SLC24A2: variants seen among roughly 807,000 people sequenced by gnomAD.
SLC24A2 encodes the protein sodium/potassium/calcium exchanger 2.
A neutral mutation model predicts 62.0 loss-of-function variants in SLC24A2; 36 were observed. The observed-to-expected ratio is 0.58, with a 90% CI of 0.44 to 0.77. The LOEUF (loss-of-function observed/expected upper bound fraction) is 0.77. SLC24A2 is among the 30% of genes least tolerant of loss of function. The probability of loss-of-function intolerance (pLI) is 0.00; values close to 1 mark genes in which losing one functional copy is unlikely to be tolerated. For missense variants in SLC24A2, 846 were observed against 817.9 expected, an observed-to-expected ratio of 1.03 and a Z score of -0.42; for synonymous variants, 358 against 294.0, an observed-to-expected ratio of 1.22 and a Z score of -2.23.
In SLC24A2 at chr9:19,681,068, T is replaced by C. The variant is rs190650327; in HGVS notation, c.931-58769A>G. On this transcript the variant is annotated intron_variant, in intron 2 of 10. Transcript: ENST00000341998. Reference sequence around the variant, plus strand: ...TTGTCAGAATATATTTCTCCTCCACTGAAAGCCTTCCAAATGGCCCCCTAT... The same window carrying C: ...TTGTCAGAATATATTTCTCCTCCACCGAAAGCCTTCCAAATGGCCCCCTAT... 2.7e-3 allele frequency among the ~76,000 whole-genome samples: 406 copies of C among 152,206 alleles called. 1 individual carries two copies. The highest frequency in any genetic ancestry group is 4.3e-3 in the Admixed American group (66 of 15,268).
At chr9:19,551,873 G>T (rs928501180) in intron 7 of SLC24A2, among the ~76,000 whole-genome samples, 1 of 152,134 alleles carries the variant, frequency 6.6e-6, no homozygotes, top group Non-Finnish European at 1.5e-5. Flanking sequence ...CTCCCTAGGA[G>T]TTACAATTTG....
the SLC24A2 span, among the ~76,000 whole-genome samples, chr9:19,813,885 G>C: frequency 6.6e-6 from 1 of 152,052 alleles, no homozygotes; most frequent in East Asian, 1.9e-4. Context: ...GCCCTCATCA[G>C]ACAGTAAATC....
chr9:19,928,445 G>T, the SLC24A2 span: 1 of 152,350 alleles, frequency 6.6e-6, no homozygotes, highest in Non-Finnish European at 1.5e-5. Context: ...GCAAGTCCCA[G>T]CTCATACTCT....
the SLC24A2 span, among the ~76,000 whole-genome samples, chr9:19,948,993 TTTAA>T: frequency 2.0e-5 from 3 of 152,116 alleles, no homozygotes; most frequent in African/African-American, 7.2e-5. Flanking sequence ...TATTTATTTA[TTTAA>T]TTAATTTTAT....
the SLC24A2 span, among the ~76,000 whole-genome samples, chr9:20,163,380 A>C: frequency 1.5e-3 from 230 of 152,236 alleles, no homozygotes; most frequent in African/African-American, 5.3e-3. Flanking sequence ...TCCCATTCAC[A>C]ATTGCTTCAA....
At chr9:19,845,799 A>G in the SLC24A2 span, among the ~76,000 whole-genome samples, 1 of 152,026 alleles carries the variant, frequency 6.6e-6, no homozygotes, top group South Asian at 2.1e-4. Flanking sequence ...CTCTGGTTTC[A>G]TTTATTTCAT....
chr9:20,008,174 G>C, the SLC24A2 span, among the ~76,000 whole-genome samples: 1 of 151,862 alleles, frequency 6.6e-6, no homozygotes, highest in African/African-American at 2.4e-5. Context: ...GAGATTACAG[G>C]CTTAAGCCAC....
the SLC24A2 span, among the ~76,000 whole-genome samples, chr9:20,225,352 G>A: frequency 6.6e-6 from 1 of 150,996 alleles, no homozygotes; most frequent in Non-Finnish European, 1.5e-5. Flanking sequence ...ATGGATAAAT[G>A]GGTATGGAAA....
the SLC24A2 span, among the ~76,000 whole-genome samples, chr9:20,084,364 G>A: frequency 1.3e-5 from 2 of 152,170 alleles, no homozygotes; most frequent in South Asian, 4.1e-4. Context: ...TCAACGACCT[G>A]ATGTCAGCTT....
the SLC24A2 span, among the ~76,000 whole-genome samples, chr9:19,910,220 C>T: frequency 2.0e-5 from 3 of 152,192 alleles, no homozygotes; most frequent in African/African-American, 7.2e-5. Flanking sequence ...ATCCTATCAT[C>T]GAAGCCAAAA....
the SLC24A2 span, among the ~76,000 whole-genome samples, chr9:20,051,657 C>CTTTTTTTTTTTTTTCTTT: frequency 1.4e-5 from 1 of 73,514 alleles, no homozygotes; most frequent in African/African-American, 6.1e-5. Context: ...TTTTCTTTCT[C>CTTTTTTTTTTTTTTCTTT]TTTTTTTTTT....
At chr9:20,112,392 A>G in the SLC24A2 span, among the ~76,000 whole-genome samples, 1 of 152,222 alleles carries the variant, frequency 6.6e-6, no homozygotes, top group African/African-American at 2.4e-5. Context: ...CAGATGTGCT[A>G]TGTATGCAGA....
rs746739930 is a variant in SLC24A2 at position 19,551,715 on chromosome 9, G to C, written c.1348-1447C>G. On this transcript the variant is annotated intron_variant, in intron 7 of 10. Transcript: ENST00000341998. Reference sequence around the variant, plus strand: ...CTGTGTCCCTACAGAGGTGGCATGAGGGGCAGGCTCAGGTCAGCTGGCCTT... The same window carrying C: ...CTGTGTCCCTACAGAGGTGGCATGACGGGCAGGCTCAGGTCAGCTGGCCTT... Among the ~76,000 whole-genome samples the C allele has an allele frequency of 3.9e-5, 6 of 152,160 alleles. 1 individual carries two copies. The highest frequency in any genetic ancestry group is 1.2e-4 in the African/African-American group (5 of 41,412).
the SLC24A2 span, among the ~76,000 whole-genome samples, chr9:20,237,907 G>A: frequency 5.5e-4 from 83 of 152,274 alleles, no homozygotes; most frequent in African/African-American, 1.9e-3. Flanking sequence ...CCAAGTTAGA[G>A]TCAGGTAGTT....
chr9:19,889,365 T>C, the SLC24A2 span, among the ~76,000 whole-genome samples: 1 of 127,486 alleles, frequency 7.8e-6, no homozygotes, highest in East Asian at 5.1e-4. Context: ...GTTCCATAAA[T>C]TGTAATTATT....
intron 2 of SLC24A2, among the ~76,000 whole-genome samples, chr9:19,763,429 T>C (rs1822408739): frequency 6.6e-6 from 1 of 152,248 alleles, no homozygotes; most frequent in Non-Finnish European, 1.5e-5. Flanking sequence ...CTTTTGTCCA[T>C]TCAGTATGAT....
chr9:19,676,489 G>A (rs1819563753), intron 2 of SLC24A2, among the ~76,000 whole-genome samples: 1 of 152,224 alleles, frequency 6.6e-6, no homozygotes, highest in South Asian at 2.1e-4. Flanking sequence ...TGCGGCAGCT[G>A]ACTGTGTGCC....
chr9:19,969,530 C>G, the SLC24A2 span, among the ~76,000 whole-genome samples: 1 of 152,192 alleles, frequency 6.6e-6, no homozygotes. Flanking sequence ...TCACACATTA[C>G]TGCTTTTCTG....
the SLC24A2 span, among the ~76,000 whole-genome samples, chr9:19,871,840 A>T: frequency 9.8e-3 from 1,488 of 152,278 alleles, 8 homozygotes; most frequent in Non-Finnish European, 0.014. Flanking sequence ...TTGTAAGCTC[A>T]TTTTTACTGG....
Sources: gnomAD v4.1 joint callset for allele counts (sites outside exome capture counted in the v4.1 genomes callset) on GRCh38, gnomAD v4.1.1 for gene constraint, MANE v1.5 for transcripts, NCBI Gene and HGNC (gene_info 2026-07-23, HGNC 2026-07-21) for gene names.